MLANA: variants seen among roughly 807,000 people sequenced by gnomAD.
MLANA encodes the protein melanoma antigen recognized by T-cells 1.
A neutral mutation model predicts 15.7 loss-of-function variants in MLANA; 21 were observed. The ratio of observed to expected loss-of-function variants is 1.33; its 90% CI spans 0.95 to 1.92. The LOEUF (loss-of-function observed/expected upper bound fraction) is 1.92. Ranked by LOEUF, MLANA falls within the 40% of genes most tolerant of loss-of-function variation. The pLI is 0.00. For synonymous variants in MLANA, 56 were observed against 51.5 expected (o/e 1.09, Z -0.37); for missense variants, 164 against 143.8 (o/e 1.14, Z -0.72).
At chr9:5,900,439 C>G (rs192818196) in intron 3 of MLANA, among the ~76,000 whole-genome samples, 1 of 152,158 alleles carries the variant, frequency 6.6e-6, no homozygotes, top group Admixed American at 6.5e-5. Flanking sequence ...GTTTGGAGAT[C>G]AGCAGTCTAA....
At chr9:5,891,496 C>A (rs964669921) in intron 1 of MLANA, among the ~76,000 whole-genome samples, 4 of 152,178 alleles carry the variant, frequency 2.6e-5, no homozygotes, top group Non-Finnish European at 4.4e-5. Context: ...AATCCCCACT[C>A]TTCTGTCTCA....
chr9:5,893,213 C>T (rs975365673), intron 2 of MLANA, among the ~76,000 whole-genome samples: 3 of 152,032 alleles, frequency 2.0e-5, no homozygotes, highest in Non-Finnish European at 2.9e-5. Context: ...AATGTAAGTG[C>T]GGTAATGAAA....
chr9:5,899,737 C>T (rs551230592), intron 3 of MLANA, among the ~76,000 whole-genome samples: 8 of 152,300 alleles, frequency 5.3e-5, no homozygotes, highest in African/African-American at 9.6e-5. Context: ...TCGACCCCTC[C>T]GCTTTCCCCT....
At chr9:5,899,884 A>G (rs1367883389) in intron 3 of MLANA, among the ~76,000 whole-genome samples, 2 of 152,174 alleles carry the variant, frequency 1.3e-5, no homozygotes, top group Non-Finnish European at 2.9e-5. Context: ...AGTTGCTTGG[A>G]GACTAGAATT....
chr9:5,898,617 C>T (rs537083961), intron 3 of MLANA, among the ~76,000 whole-genome samples: 2 of 152,242 alleles, frequency 1.3e-5, no homozygotes, highest in East Asian at 1.9e-4. Context: ...GTTTATAGGG[C>T]ACAGGGGAAG....
At chr9:5,893,526 T>C (rs866940451) in intron 2 of MLANA, among the ~76,000 whole-genome samples, 39 of 152,294 alleles carry the variant, frequency 2.6e-4, no homozygotes, top group African/African-American at 7.2e-4. Context: ...TATAGGATCC[T>C]CTAATATCCC....
intron 3 of MLANA, 53 bp downstream of exon 3, chr9:5,897,706 A>T: frequency 6.9e-7 from 1 of 1,445,210 alleles, no homozygotes. Context: ...CCCTCTTTCC[A>T]GTTCTTTCCT....
chr9:5,907,138 A>C, intron 4 of MLANA, 140 bp downstream of exon 4: 1 of 431,502 alleles, frequency 2.3e-6, no homozygotes, highest in Non-Finnish European at 4.0e-6. Flanking sequence ...AAAATGGTTA[A>C]AATGGCAACT....
At chr9:5,901,506 G>C (rs1444199339) in intron 3 of MLANA, among the ~76,000 whole-genome samples, 1 of 152,006 alleles carries the variant, frequency 6.6e-6, no homozygotes, top group African/African-American at 2.4e-5. Flanking sequence ...TGATGTATCA[G>C]AATAATTCAT....
At chr9:5,904,702 G>C (rs1832682912) in intron 3 of MLANA, among the ~76,000 whole-genome samples, 2 of 151,726 alleles carry the variant, frequency 1.3e-5, no homozygotes, top group Admixed American at 1.3e-4. Context: ...TCGACCTCAA[G>C]TGATCCACCC....
chr9:5,893,689 T>C (rs1219491786), intron 2 of MLANA, among the ~76,000 whole-genome samples: 2 of 152,204 alleles, frequency 1.3e-5, no homozygotes, highest in African/African-American at 2.4e-5. Context: ...CTTTAAAATA[T>C]ACTTTTATGT....
chr9:5,897,734 C>G, intron 3 of MLANA, 81 bp downstream of exon 3: 1 of 1,187,306 alleles, frequency 8.4e-7, no homozygotes, highest in Non-Finnish European at 1.3e-6. Flanking sequence ...TCTGGAGAGT[C>G]AGATAATTGC....
rs950247873 is a variant in MLANA at position 5,910,356 on chromosome 9, C to T, written c.*1648C>T. The T allele has an allele frequency of 1.6e-4, 25 of 152,154 alleles. No homozygotes were observed. The highest frequency in any genetic ancestry group is 1.0e-3 in the Admixed American group (16 of 15,272). The allele number at this position is 152,154 out of a possible 1,614,324, so 9.4% of individuals were successfully genotyped here. A position where few individuals can be genotyped will look rare whatever the true frequency, so the allele number is the denominator to read the frequency against. On this transcript the variant is annotated 3_prime_UTR_variant, in exon 5 of 5. Transcript: ENST00000381477. ...ACAGGATAAAGAGATGTATTACACA[C>T]ATCGAAAAAAACAACATTTAACAAA...
At chr9:5,892,346 A>T in intron 1 of MLANA, 104 bp from the exon 2 acceptor site, 1 of 667,612 alleles carries the variant, frequency 1.5e-6, no homozygotes, top group Non-Finnish European at 2.4e-6. Context: ...GGTCCTGGCT[A>T]TGGATATTGG....
At position 5,897,614 on chromosome 9, in the gene MLANA, T is replaced by A. The variant is rs775548963; in HGVS notation, c.135T>A (p.Cys45Ter). ...VILGVLLLIGCWYCRRRNGYR... is the reference protein window; with the variant it reads ...VILGVLLLIG ...TGGGAGTCTTACTGCTCATCGGCTG[T>A]TGGTATTGTAGAAGACGAAATGGAT... Residue 45 changes from cysteine (C) to a stop codon, truncating the protein, a stop_gained, in exon 3 of 5, where the codon TGT becomes TGA. Transcript: ENST00000381477. LOFTEE classifies it high-confidence loss of function. 5.0e-6 allele frequency: 8 copies of A among 1,613,824 alleles called. No individual in the cohort carries two copies. The highest frequency in any genetic ancestry group is 6.8e-6 in the Non-Finnish European group (8 of 1,179,904).
Position 5,908,648 on chromosome 9 carries a change from T to C in MLANA, c.297T>C (p.Asn99=). 1 of 1,614,068 alleles carries C rather than the reference T, an allele frequency of 6.2e-7. No individual in the cohort carries two copies. Among genetic ancestry groups the C allele is most frequent in the Non-Finnish European group, 8.5e-7 (1 of 1,179,946 alleles). Residue 99 remains asparagine (N), a synonymous_variant, in exon 5 of 5, where the codon AAT becomes AAC. Transcript: ENST00000381477. The part of the protein sequence containing the change: ...QEKNCEPVVP[N]APPAYEKLSA... ...CTTTCTTGTTCTCACAGGTTCCCAA[T>C]GCTCCACCTGCTTATGAGAAACTCT...
Position 5,908,673 on chromosome 9 carries a change from T to C in MLANA, c.322T>C (p.Ser108Pro). Residue 108 changes from serine to proline, a missense_variant, in exon 5 of 5, where the codon TCT becomes CCT. By Grantham distance (74) the Ser-to-Pro change is moderately conservative. Coordinates refer to ENST00000381477, the MANE Select transcript of MLANA (RefSeq NM_005511.2). Reference protein sequence around the residue: ...PNAPPAYEKLSAEQSPPPYSP With the variant: ...PNAPPAYEKLPAEQSPPPYSP The stretch of plus-strand genomic sequence containing the variant: ...TGCTCCACCTGCTTATGAGAAACTC[T>C]CTGCAGAACAGTCACCACCACCTTA... 4 of 1,614,152 alleles carry C rather than the reference T, an allele frequency of 2.5e-6. No individual in the cohort carries two copies. Among genetic ancestry groups the C allele is most frequent in the Non-Finnish European group, 3.4e-6 (4 of 1,179,990 alleles).
rs538204249 is a variant in MLANA at position 5,894,552 on chromosome 9, G to T, written c.77+2001G>T. On this transcript the variant is annotated intron_variant, in intron 2 of 4. Coordinates refer to ENST00000381477, the MANE Select transcript of MLANA (RefSeq NM_005511.2). The surrounding 1 kb of genome is among the most constrained non-coding windows in gnomAD (Gnocchi z 4.0). ...TGTTTGGCTGGTTCTGGTGTCTCAAGAGCTTAGAAGTGAGGGGCATGAATC... is the reference window on the plus strand; with the variant it reads ...TGTTTGGCTGGTTCTGGTGTCTCAATAGCTTAGAAGTGAGGGGCATGAATC... Among the ~76,000 whole-genome samples the T allele has an allele frequency of 6.6e-6, 1 of 152,292 alleles. No individual in the cohort carries two copies. The highest frequency in any genetic ancestry group is 1.9e-4 in the East Asian group (1 of 5,184).
chr9:5,900,300 T>TCATATCA (rs1832330013), intron 3 of MLANA, among the ~76,000 whole-genome samples: 4 of 152,196 alleles, frequency 2.6e-5, no homozygotes, highest in African/African-American at 9.6e-5. Flanking sequence ...ATCAGTGGTT[T>TCATATCA]GTAGTTTCTG....
Sources: allele counts gnomAD v4.1 joint callset (sites outside exome capture counted in the v4.1 genomes callset), GRCh38; gene constraint gnomAD v4.1.1; non-coding constraint Gnocchi (gnomAD v3.1); transcripts MANE v1.5; gene names NCBI Gene and HGNC (gene_info 2026-07-23, HGNC 2026-07-21).